The following CUL3 variants were observed in gnomAD, a reference collection of about 807,000 sequenced individuals.
CUL3 encodes cullin 3.
A neutral mutation model predicts 89.1 loss-of-function variants in CUL3; 19 were observed. That is an observed-to-expected ratio of 0.21 (90% CI 0.15 to 0.31). The LOEUF (loss-of-function observed/expected upper bound fraction) is 0.31. Ranked by LOEUF, CUL3 falls within the 10% of genes least tolerant of loss-of-function variation. The probability of loss-of-function intolerance (pLI) is 1.00; values close to 1 mark genes in which losing one functional copy is unlikely to be tolerated. For missense variants in CUL3, 469 were observed against 942.3 expected (o/e 0.50, Z 6.58); for synonymous variants, 351 against 308.4 (o/e 1.14, Z -1.45).
intron 1 of CUL3, among the ~76,000 whole-genome samples, chr2:224,579,232 CAGTATT>C (rs1174941002): frequency 2.0e-5 from 3 of 152,090 alleles, no homozygotes; most frequent in Admixed American, 6.5e-5. Context: ...AAACTATAAA[CAGTATT>C]AGTTTAAGTA....
chr2:224,497,974 A>G, intron 11 of CUL3, 125 bp from the exon 12 acceptor site: 1 of 704,706 alleles, frequency 1.4e-6, no homozygotes, highest in East Asian at 2.7e-5. Context: ...TTTAAAACTT[A>G]AAGGAAACTT....
chr2:224,498,272 A>C (rs963407419), intron 11 of CUL3, among the ~76,000 whole-genome samples: 14 of 152,210 alleles, frequency 9.2e-5, no homozygotes, highest in African/African-American at 3.4e-4. Context: ...TTCCTCTGGG[A>C]AAAGTTTATG....
At chr2:224,497,154 TAC>T (rs1692198825) in intron 12 of CUL3, among the ~76,000 whole-genome samples, 1 of 152,166 alleles carries the variant, frequency 6.6e-6, no homozygotes, top group Non-Finnish European at 1.5e-5. Flanking sequence ...GGTATATTTC[TAC>T]AGTTTTTCTA....
At chr2:224,579,767 C>A (rs1185884012) in intron 1 of CUL3, among the ~76,000 whole-genome samples, 1 of 152,150 alleles carries the variant, frequency 6.6e-6, no homozygotes, top group East Asian at 1.9e-4. Flanking sequence ...ATCTTAAGAG[C>A]CTGATTACAT....
At chr2:224,570,366 T>C (rs1028952366) in intron 1 of CUL3, among the ~76,000 whole-genome samples, 1 of 152,188 alleles carries the variant, frequency 6.6e-6, no homozygotes, top group Non-Finnish European at 1.5e-5. Flanking sequence ...CAAATTAACC[T>C]TTCAAAGCTC....
At chr2:224,480,480 T>A (rs1691495031) in intron 14 of CUL3, among the ~76,000 whole-genome samples, 2 of 152,150 alleles carry the variant, frequency 1.3e-5, no homozygotes, top group African/African-American at 4.8e-5. Flanking sequence ...TCATCATATA[T>A]ATATTTCTGT....
chr2:224,509,267 G>A (rs1031964559), intron 6 of CUL3, among the ~76,000 whole-genome samples: 1 of 152,164 alleles, frequency 6.6e-6, no homozygotes, highest in Non-Finnish European at 1.5e-5. Context: ...AGGCTGGAGT[G>A]CAGTGGCATC....
At chr2:224,568,885 T>G (rs1230542406) in intron 1 of CUL3, among the ~76,000 whole-genome samples, 2 of 152,178 alleles carry the variant, frequency 1.3e-5, no homozygotes, top group African/African-American at 4.8e-5. Flanking sequence ...CACGTCAACA[T>G]CCTTGGCAAA....
chr2:224,477,569 CA>C (rs1415606192), intron 15 of CUL3, among the ~76,000 whole-genome samples: 1 of 152,220 alleles, frequency 6.6e-6, no homozygotes, highest in Non-Finnish European at 1.5e-5. Context: ...TCAACTTGTA[CA>C]AAACAATATT....
intron 1 of CUL3, among the ~76,000 whole-genome samples, chr2:224,584,688 G>A (rs910649936): frequency 2.0e-5 from 3 of 150,334 alleles, no homozygotes; most frequent in Non-Finnish European, 4.4e-5. Context: ...CGCCCGCGGA[G>A]CGGCTGAAGG....
chr2:224,571,591 C>A (rs1273240356), intron 1 of CUL3, among the ~76,000 whole-genome samples: 2 of 152,104 alleles, frequency 1.3e-5, no homozygotes, highest in Non-Finnish European at 2.9e-5. Flanking sequence ...GTCTATGACA[C>A]AAAATTGTTA....
chr2:224,560,443 G>A, intron 1 of CUL3: 1 of 152,616 alleles, frequency 6.6e-6, no homozygotes. Context: ...AACTTACCAA[G>A]CCTGAAACAG....
intron 13 of CUL3, among the ~76,000 whole-genome samples, chr2:224,493,469 T>C (rs886194556): frequency 5.3e-5 from 8 of 152,234 alleles, no homozygotes; most frequent in South Asian, 2.1e-4. Flanking sequence ...TTTGGAGCCA[T>C]AGGCATGGCA....
At chr2:224,580,138 T>A (rs1695398858) in intron 1 of CUL3, among the ~76,000 whole-genome samples, 2 of 152,234 alleles carry the variant, frequency 1.3e-5, no homozygotes, top group African/African-American at 4.8e-5. Context: ...TTGTGGTCCT[T>A]GTTCCTCTGC....
At chr2:224,487,264 A>G (rs1332516507) in intron 13 of CUL3, among the ~76,000 whole-genome samples, 1 of 152,124 alleles carries the variant, frequency 6.6e-6, no homozygotes, top group African/African-American at 2.4e-5. Context: ...TTCACACATA[A>G]CAATATTACC....
Position 224,471,612 on chromosome 2 carries a change from C to T in CUL3, c.*2633G>A. 1 of 208,120 alleles carries T rather than the reference C, an allele frequency of 4.8e-6. No individual in the cohort carries two copies. Among genetic ancestry groups the T allele is most frequent in the Non-Finnish European group, 9.8e-6 (1 of 102,178 alleles). The allele number at this position is 208,120 out of a possible 1,614,324, so 12.9% of individuals were successfully genotyped here. A position where few individuals can be genotyped will look rare whatever the true frequency, so the allele number is the denominator to read the frequency against. ...TGCTACACAGGTGACTCTAGCATAC[C>T]TTTAGAAAGGCATGCATCTCTTCCC... is the stretch of plus-strand genomic sequence containing the variant. On this transcript the variant is annotated 3_prime_UTR_variant, in exon 16 of 16. Transcript: ENST00000264414.
chr2:224,547,534 T>A (rs997789587), intron 2 of CUL3, among the ~76,000 whole-genome samples: 1 of 152,062 alleles, frequency 6.6e-6, no homozygotes, highest in African/African-American at 2.4e-5. Flanking sequence ...TAACTCCCCC[T>A]CAAATCTGAT....
At chr2:224,514,838 A>G (rs1272283239) in intron 3 of CUL3, 66 bp from the exon 4 acceptor site, 7 of 1,123,340 alleles carry the variant, frequency 6.2e-6, no homozygotes, top group South Asian at 1.7e-5. Flanking sequence ...GTGTGCTACA[A>G]TAACAAATAA....
chr2:224,479,749 A>G (rs1691459587), intron 14 of CUL3: 2 of 152,268 alleles, frequency 1.3e-5, no homozygotes, highest in African/African-American at 2.4e-5. Context: ...AATGACTGGT[A>G]AACGTAGGTC....
Sources: allele counts gnomAD v4.1 joint callset (sites outside exome capture counted in the v4.1 genomes callset), GRCh38; gene constraint gnomAD v4.1.1; transcripts MANE v1.5; gene names NCBI Gene and HGNC (gene_info 2026-07-23, HGNC 2026-07-21).